AXIN2: variants seen among roughly 807,000 people sequenced by gnomAD.
AXIN2 encodes the protein axin-2.
A neutral mutation model predicts 74.7 loss-of-function variants in AXIN2; 21 were observed. The ratio of observed to expected loss-of-function variants is 0.28; its 90% CI spans 0.20 to 0.40. AXIN2 has a LOEUF of 0.40. AXIN2 is among the 10% of genes least tolerant of loss of function. The probability of loss-of-function intolerance (pLI) is 1.00; values close to 1 mark genes in which losing one functional copy is unlikely to be tolerated. For synonymous variants in AXIN2, 532 were observed against 454.9 expected (o/e 1.17, Z -2.16); for missense variants, 1,144 against 1,111.1 (o/e 1.03, Z -0.42).
intron 9 of AXIN2, 79 bp from the exon 10 acceptor site, chr17:65,534,158 T>A (rs2043870345): frequency 6.6e-7 from 1 of 1,515,050 alleles, no homozygotes; most frequent in Non-Finnish European, 9.2e-7. Context: ...CGTGCGCACA[T>A]GTGCATAAGT....
intron 3 of AXIN2, among the ~76,000 whole-genome samples, chr17:65,543,987 C>T (rs926722952): frequency 6.6e-6 from 1 of 152,140 alleles, no homozygotes; most frequent in African/African-American, 2.4e-5. Context: ...TGCCCTAGGG[C>T]TGTAAGACAA....
intron 1 of AXIN2, 60 bp downstream of exon 1, chr17:65,561,390 C>G (rs947307678): frequency 6.8e-6 from 1 of 147,536 alleles, no homozygotes; most frequent in Non-Finnish European, 1.5e-5. Flanking sequence ...CGACCTCGCC[C>G]CCTGTAAGAG....
In AXIN2 at chr17:65,557,910, G is replaced by A. The variant is rs768230770; in HGVS notation, c.711C>T (p.Ala237=). Residue 237 remains alanine (A), a synonymous_variant, in exon 2 of 11, where the codon GCC becomes GCT. Coordinates refer to ENST00000307078, the MANE Select transcript of AXIN2 (RefSeq NM_004655.4). ...TLNEEEEWTC[A]DFKCKLSPTV... ...TTGGCGAAAGTTTGCACTTGAAGTCGGCACAAGTCCACTCCTCTTCTTCAT... is the reference window on the plus strand; with the variant it reads ...TTGGCGAAAGTTTGCACTTGAAGTCAGCACAAGTCCACTCCTCTTCTTCAT... 23 of 1,614,022 alleles carry A rather than the reference G, an allele frequency of 1.4e-5. No homozygotes were observed. The highest frequency in any genetic ancestry group is 1.3e-4 in the Admixed American group (8 of 60,000).
At chr17:65,549,895 G>GC (rs1157285199) in intron 2 of AXIN2, among the ~76,000 whole-genome samples, 2 of 152,176 alleles carry the variant, frequency 1.3e-5, no homozygotes, top group Non-Finnish European at 2.9e-5. Flanking sequence ...TGGTGGGTCT[G>GC]CCAGGGCAGA....
rs2144451110 is a variant in AXIN2 at position 65,537,011 on chromosome 17, C to T, written c.1765G>A (p.Gly589Ser). The T allele has an allele frequency of 6.2e-7, 1 of 1,611,334 alleles. No individual in the cohort carries two copies. Among genetic ancestry groups the T allele is most frequent in the Non-Finnish European group, 8.5e-7 (1 of 1,179,876 alleles). Residue 589 changes from glycine (G) to serine (S), a missense_variant, in exon 7 of 11, where the codon GGC becomes AGC. Gly to Ser is a moderately conservative substitution (Grantham distance 56). This residue lies in a region of AXIN2 where 1,053 missense variants were observed against 973.5 expected (regional missense o/e 1.08). Coordinates refer to ENST00000307078, the MANE Select transcript of AXIN2 (RefSeq NM_004655.4). ...CCTTCCCTGGCGGGCAGGGCCAGGC[C>T]CGGCTCCGTGCCTTTCCCATTGCGT... The part of the protein sequence containing the change: ...PKRNGKGTEP[G>S]LALPAREGGA...
chr17:65,537,128 C>CA, intron 6 of AXIN2, 65 bp from the exon 7 acceptor site: 1 of 1,571,200 alleles, frequency 6.4e-7, no homozygotes, highest in Non-Finnish European at 8.6e-7. Context: ...CTCCTAGAAT[C>CA]AGACAATTCA....
intron 3 of AXIN2, among the ~76,000 whole-genome samples, chr17:65,548,095 T>A (rs1567762655): frequency 6.6e-6 from 1 of 152,222 alleles, no homozygotes; most frequent in African/African-American, 2.4e-5. Flanking sequence ...TATGGAAAAC[T>A]CACTTCTGTG....
intron 2 of AXIN2, 26 bp from the exon 3 acceptor site, chr17:65,549,686 C>CA (rs1215117660): frequency 6.3e-7 from 1 of 1,579,212 alleles, no homozygotes; most frequent in Non-Finnish European, 8.6e-7. Flanking sequence ...AAAAGTGGTT[C>CA]AGTCACTGAC....
In AXIN2 at chr17:65,528,619, G is replaced by A; in HGVS notation, c.*1357C>T. ...ACATCTCTTAATTACAATAATTATT[G>A]TACCAAGTAATTTTCCTTAAATGAA... On this transcript the variant is annotated 3_prime_UTR_variant, in exon 11 of 11. Coordinates refer to ENST00000307078, the MANE Select transcript of AXIN2 (RefSeq NM_004655.4). 2.0e-6 allele frequency: 1 copy of A among 498,690 alleles called. No individual in the cohort carries two copies. The highest frequency in any genetic ancestry group is 3.3e-4 in the Middle Eastern group (1 of 3,052). 30.9% of individuals were successfully genotyped at this position (498,690 alleles called of 1,614,324 possible). A position where few individuals can be genotyped will look rare whatever the true frequency, so the allele number is the denominator to read the frequency against.
At chr17:65,540,593 T>C (rs1251013906) in intron 4 of AXIN2, among the ~76,000 whole-genome samples, 1 of 152,148 alleles carries the variant, frequency 6.6e-6, no homozygotes, top group African/African-American at 2.4e-5. Flanking sequence ...CATGTTGAAA[T>C]ATGATCCCCA....
intron 5 of AXIN2, 58 bp from the exon 6 acceptor site, chr17:65,537,893 C>A: frequency 6.7e-7 from 1 of 1,495,062 alleles, no homozygotes; most frequent in Non-Finnish European, 8.9e-7. Context: ...GCCAGAGGCC[C>A]TGGGGTTGCA....
rs138865610 is a variant in AXIN2, at chr17:65,529,703, C to T, written c.*273G>A. On this transcript the variant is annotated 3_prime_UTR_variant, in exon 11 of 11. Transcript: ENST00000307078. Reference sequence around the variant, plus strand: ...AGTCATATATTATGTATGGCAGTCTCTCAAATACAGGCAGCATCTTCAATA... The same window carrying T: ...AGTCATATATTATGTATGGCAGTCTTTCAAATACAGGCAGCATCTTCAATA... 21 of 500,860 alleles carry T rather than the reference C, an allele frequency of 4.2e-5. No homozygotes were observed. The East Asian group carries it at 7.4e-4, about 18-fold the overall frequency. The allele number at this position is 500,860 out of a possible 1,614,324, so 31.0% of individuals were successfully genotyped here.
At chr17:65,544,968 G>C (rs976815926) in intron 3 of AXIN2, among the ~76,000 whole-genome samples, 1 of 152,170 alleles carries the variant, frequency 6.6e-6, no homozygotes, top group African/African-American at 2.4e-5. Context: ...TGGTTTGTAG[G>C]AAAAGGTTAG....
intron 5 of AXIN2, 43 bp downstream of exon 5, chr17:65,538,160 C>G (rs375277654): frequency 3.1e-6 from 5 of 1,613,724 alleles, no homozygotes; most frequent in Non-Finnish European, 4.2e-6. Context: ...TACGAGCGCT[C>G]ACGCCGTGGA....
chr17:65,554,025 T>A (rs1160120447), intron 2 of AXIN2, among the ~76,000 whole-genome samples: 2 of 152,154 alleles, frequency 1.3e-5, no homozygotes. Flanking sequence ...GCAACCTCAG[T>A]AAGCAAAGGG....
Position 65,530,728 on chromosome 17 carries a change from G to A in AXIN2, c.2406-626C>T, listed in dbSNP as rs188192361. ...CAGCCCAGCGCAGCTTCCCAGGGCC[G>A]AACAGACGGCACTGGCCCCATGATG... is the stretch of plus-strand genomic sequence containing the variant. On this transcript the variant is annotated intron_variant, in intron 10 of 10. Transcript: ENST00000307078. Among the ~76,000 whole-genome samples, 667 of 152,328 alleles carry A rather than the reference G, an allele frequency of 4.4e-3. 4 individuals are homozygous for A. Among genetic ancestry groups the A allele is most frequent in the South Asian group, 5.6e-3 (27 of 4,824 alleles).
At chr17:65,551,324 C>T (rs1036827081) in intron 2 of AXIN2, among the ~76,000 whole-genome samples, 12 of 151,690 alleles carry the variant, frequency 7.9e-5, no homozygotes, top group South Asian at 4.2e-4. Flanking sequence ...GGAAAGGTAG[C>T]GAAAAGCTCT....
chr17:65,530,238 A>G, intron 10 of AXIN2, 136 bp from the exon 11 acceptor site: 2 of 1,212,212 alleles, frequency 1.6e-6, no homozygotes, highest in South Asian at 2.5e-5. Flanking sequence ...TGTTGCGCAC[A>G]TCTGCTTTAA....
rs2043783234 is a variant in AXIN2, at chr17:65,529,635, T to A, written c.*341A>T. On this transcript the variant is annotated 3_prime_UTR_variant, in exon 11 of 11. Transcript: ENST00000307078. Reference sequence around the variant, plus strand: ...AGTAAGGATTCCTGTTCAGGTAAGCTATACACAGTTTCTCTTAGTTTATGG... The same window carrying A: ...AGTAAGGATTCCTGTTCAGGTAAGCAATACACAGTTTCTCTTAGTTTATGG... The A allele has an allele frequency of 1.8e-5, 8 of 437,006 alleles. No individual in the cohort carries two copies. The highest frequency in any genetic ancestry group is 1.3e-5 in the Non-Finnish European group (3 of 234,308). 27.1% of individuals were successfully genotyped at this position (437,006 alleles called of 1,614,324 possible).
Sources: gnomAD v4.1 joint callset for allele counts (sites outside exome capture counted in the v4.1 genomes callset) on GRCh38, gnomAD v4.1.1 for gene constraint, gnomAD v4.1.1 regional missense constraint, MANE v1.5 for transcripts, NCBI Gene and HGNC (gene_info 2026-07-23, HGNC 2026-07-21) for gene names.